Variants in CDK19 observed in about 807,000 individuals in gnomAD.
CDK19 encodes cyclin-dependent kinase 19.
In CDK19, 20 loss-of-function variants were observed where a neutral mutation model predicts 68.3. The observed-to-expected ratio is 0.29, with a 90% CI of 0.21 to 0.43. The LOEUF (loss-of-function observed/expected upper bound fraction) is 0.43. Among genes scored for constraint, CDK19 ranks in the 20% least tolerant of loss-of-function variants. The pLI, the probability that CDK19 is intolerant of heterozygous loss-of-function variation, is 1.00. For synonymous variants in CDK19, 221 were observed against 222.8 expected, an observed-to-expected ratio of 0.99 and a Z score of 0.07; for missense variants, 339 against 623.5, an observed-to-expected ratio of 0.54 and a Z score of 4.86.
In CDK19 at chr6:110,777,777, G is replaced by A. The variant is rs76308905; in HGVS notation, c.129-31576C>T. On this transcript the variant is annotated intron_variant, in intron 1 of 12. Coordinates refer to ENST00000368911, the MANE Select transcript of CDK19 (RefSeq NM_015076.5). The stretch of plus-strand genomic sequence containing the variant: ...TTAACGGATGAGTGGACAAACAATT[G>A]GTAGCATATACATGTAACAGAATAT... Among the ~76,000 whole-genome samples, 51 of 152,258 alleles carry A rather than the reference G, an allele frequency of 3.3e-4. No homozygotes were observed. The East Asian group carries it at 7.7e-3, about 23-fold the overall frequency.
At chr6:110,744,129 C>T (rs1777897162) in intron 2 of CDK19, among the ~76,000 whole-genome samples, 1 of 150,268 alleles carries the variant, frequency 6.7e-6, no homozygotes, top group South Asian at 2.1e-4. Flanking sequence ...GTCTCAGCCT[C>T]CCGAGTAACT....
At chr6:110,786,678 A>C (rs1184737515) in intron 1 of CDK19, among the ~76,000 whole-genome samples, 1 of 147,566 alleles carries the variant, frequency 6.8e-6, no homozygotes, top group Non-Finnish European at 1.5e-5. Flanking sequence ...CAAATAGATC[A>C]CTTCAACACC....
chr6:110,611,479 C>T lies in CDK19; in HGVS notation c.*3056G>A, dbSNP rs9386926. On this transcript the variant is annotated 3_prime_UTR_variant, in exon 13 of 13. Coordinates refer to ENST00000368911, the MANE Select transcript of CDK19 (RefSeq NM_015076.5). ...AGGTCCCACGGTTTGAGGGCCCTTA[C>T]GTGTGTTAAAAAGGCTTTGTTCCCA... The T allele has an allele frequency of 0.015, 2,249 of 152,340 alleles. 167 individuals carry two copies. The East Asian group carries it at 0.24, about 16-fold the overall frequency. The allele number at this position is 152,340 out of a possible 1,614,324, so 9.4% of individuals were successfully genotyped here.
At chr6:110,701,551 CA>C (rs1166831323) in intron 2 of CDK19, among the ~76,000 whole-genome samples, 2,969 of 123,328 alleles carry the variant, frequency 0.024, 93 homozygotes, top group African/African-American at 0.08. Flanking sequence ...GACTCTGTCT[CA>C]AAAAAAAAAA....
intron 2 of CDK19, among the ~76,000 whole-genome samples, chr6:110,680,683 A>G (rs1452011649): frequency 6.6e-6 from 1 of 152,222 alleles, no homozygotes; most frequent in Non-Finnish European, 1.5e-5. Context: ...AGGAAAGACT[A>G]TAACGTTGTG....
intron 4 of CDK19, among the ~76,000 whole-genome samples, chr6:110,652,487 A>G: frequency 6.6e-6 from 1 of 152,262 alleles, no homozygotes; most frequent in East Asian, 1.9e-4. Context: ...AAATTATCAA[A>G]TAAGCTATCT....
intron 4 of CDK19, among the ~76,000 whole-genome samples, chr6:110,655,927 C>A (rs894597529): frequency 2.0e-5 from 3 of 152,194 alleles, no homozygotes; most frequent in African/African-American, 4.8e-5. Flanking sequence ...CTTTCTCCTG[C>A]CTCTTCTTTT....
At chr6:110,715,632 G>A (rs948958442) in intron 2 of CDK19, among the ~76,000 whole-genome samples, 1 of 152,044 alleles carries the variant, frequency 6.6e-6, no homozygotes, top group African/African-American at 2.4e-5. Context: ...AGATACAGGC[G>A]TGCGCCACAC....
intron 2 of CDK19, among the ~76,000 whole-genome samples, chr6:110,738,777 C>T (rs1448565206): frequency 6.6e-6 from 1 of 152,096 alleles, no homozygotes; most frequent in East Asian, 1.9e-4. Context: ...AAGGTTTATT[C>T]CTTTATGCCA....
chr6:110,686,509 T>C (rs1772500807), intron 2 of CDK19, among the ~76,000 whole-genome samples: 1 of 152,234 alleles, frequency 6.6e-6, no homozygotes, highest in Non-Finnish European at 1.5e-5. Flanking sequence ...TGATAGGGTG[T>C]ATCTCTTATC....
intron 2 of CDK19, among the ~76,000 whole-genome samples, chr6:110,720,648 C>T (rs1271612707): frequency 9.2e-5 from 14 of 152,104 alleles, no homozygotes; most frequent in Admixed American, 8.5e-4. Flanking sequence ...AGGCAGATTA[C>T]CTGAGGTCAG....
intron 1 of CDK19, among the ~76,000 whole-genome samples, chr6:110,783,934 T>C (rs536409820): frequency 1.3e-5 from 2 of 151,430 alleles, no homozygotes; most frequent in African/African-American, 4.8e-5. Context: ...CCGAAGCAGG[T>C]GGATCACCTG....
In CDK19 at chr6:110,613,333, T is replaced by C. The variant is rs568496463; in HGVS notation, c.*1202A>G. The C allele has an allele frequency of 1.3e-5, 2 of 152,774 alleles. No homozygotes were observed. Among genetic ancestry groups the C allele is most frequent in the South Asian group, 2.1e-4 (1 of 4,820 alleles). The allele number at this position is 152,774 out of a possible 1,614,324, so 9.5% of individuals were successfully genotyped here. A position where few individuals can be genotyped will look rare whatever the true frequency, so the allele number is the denominator to read the frequency against. ...TCAGTGCAATGAAAAAGATTCTTGATAGAATTAAGTTTCAGTAACAACAGC... is the reference window on the plus strand; with the variant it reads ...TCAGTGCAATGAAAAAGATTCTTGACAGAATTAAGTTTCAGTAACAACAGC... On this transcript the variant is annotated 3_prime_UTR_variant, in exon 13 of 13. Coordinates refer to ENST00000368911, the MANE Select transcript of CDK19 (RefSeq NM_015076.5).
intron 4 of CDK19, among the ~76,000 whole-genome samples, chr6:110,660,574 T>C (rs941606426): frequency 3.9e-5 from 6 of 152,110 alleles, no homozygotes; most frequent in African/African-American, 1.4e-4. Context: ...GGGGATCTGA[T>C]TGCCAATAAA....
chr6:110,700,331 G>C (rs562525981), intron 2 of CDK19, among the ~76,000 whole-genome samples: 1 of 152,266 alleles, frequency 6.6e-6, no homozygotes, highest in African/African-American at 2.4e-5. Context: ...GAATCATCCA[G>C]AAAGCATCCC....
Position 110,815,272 on chromosome 6 carries a change from C to CG in CDK19, c.-137_-136insC. 1 of 1,047,366 alleles carries CG rather than the reference C, an allele frequency of 9.5e-7. No individual in the cohort carries two copies. Among genetic ancestry groups the CG allele is most frequent in the Non-Finnish European group, 1.3e-6 (1 of 796,854 alleles). The allele number at this position is 1,047,366 out of a possible 1,614,324, so 64.9% of individuals were successfully genotyped here. On this transcript the variant is annotated 5_prime_UTR_variant, in exon 1 of 13. Transcript: ENST00000368911. Reference sequence around the variant, plus strand: ...GCGCGCGCGCGCCGCCCGCCGCCCGCCGCTCCGCGGTCCGCCTTCAGCAAG... The same window carrying CG: ...GCGCGCGCGCGCCGCCCGCCGCCCGCGCGCTCCGCGGTCCGCCTTCAGCAAG...
intron 1 of CDK19, among the ~76,000 whole-genome samples, chr6:110,778,161 A>T (rs532736285): frequency 2.6e-5 from 4 of 152,342 alleles, no homozygotes; most frequent in Admixed American, 2.0e-4. Flanking sequence ...CACAATTTTT[A>T]AAAAAGTAAC....
Position 110,684,774 on chromosome 6 carries a change from A to C in CDK19, c.205-14233T>G, listed in dbSNP as rs565933727. On this transcript the variant is annotated intron_variant, in intron 2 of 12. Coordinates refer to ENST00000368911, the MANE Select transcript of CDK19 (RefSeq NM_015076.5). Reference sequence around the variant, plus strand: ...TCCAAAACTGAGTATCACTTGCCCAACTTTACCTCCTAGTGTGTTTACTAT... The same window carrying C: ...TCCAAAACTGAGTATCACTTGCCCACCTTTACCTCCTAGTGTGTTTACTAT... 5.3e-4 allele frequency among the ~76,000 whole-genome samples: 80 copies of C among 152,266 alleles called. 1 individual carries two copies. The South Asian group carries it at 0.016, about 30-fold the overall frequency.
intron 1 of CDK19, among the ~76,000 whole-genome samples, chr6:110,805,873 C>T (rs1362993251): frequency 6.6e-6 from 1 of 151,822 alleles, no homozygotes; most frequent in African/African-American, 2.4e-5. Flanking sequence ...CTTTTCCATG[C>T]TCCTAAAACA....
Sources: allele counts gnomAD v4.1 joint callset (sites outside exome capture counted in the v4.1 genomes callset), GRCh38; gene constraint gnomAD v4.1.1; transcripts MANE v1.5; gene names NCBI Gene and HGNC (gene_info 2026-07-23, HGNC 2026-07-21).